The following ERBB4 variants were observed in gnomAD, a reference collection of about 807,000 sequenced individuals.
ERBB4 encodes the protein erb-b2 receptor tyrosine kinase 4, also known as receptor tyrosine-protein kinase erbB-4.
A neutral mutation model predicts 158.0 loss-of-function variants in ERBB4; 42 were observed. The ratio of observed to expected loss-of-function variants is 0.27; its 90% CI spans 0.21 to 0.34. ERBB4 has a LOEUF of 0.34. Among genes scored for constraint, ERBB4 ranks in the 10% least tolerant of loss-of-function variants. ERBB4 has a pLI of 1.00. For synonymous variants in ERBB4, 583 were observed against 558.7 expected (o/e 1.04, Z -0.61); for missense variants, 1,333 against 1,624.1 (o/e 0.82, Z 3.08).
chr2:211,673,896 G>A lies in ERBB4; in HGVS notation c.1623-639C>T, dbSNP rs115938720. 4.1e-3 allele frequency among the ~76,000 whole-genome samples: 617 copies of A among 152,096 alleles called. 4 individuals carry two copies. The highest frequency in any genetic ancestry group is 0.014 in the African/African-American group (584 of 41,504). ...TTTTGTAGTCTAAATTCTTTTTGAA[G>A]TAATTCTATAGGTATACAATAAAAG... On this transcript the variant is annotated intron_variant, in intron 13 of 27. Transcript: ENST00000342788.
chr2:212,510,513 T>A (rs570127446), intron 1 of ERBB4, among the ~76,000 whole-genome samples: 1 of 151,938 alleles, frequency 6.6e-6, no homozygotes, highest in African/African-American at 2.4e-5. Context: ...TCCAATGATA[T>A]GATTTTACTG....
chr2:212,193,281 A>C (rs2082328563), intron 1 of ERBB4, among the ~76,000 whole-genome samples: 1 of 152,114 alleles, frequency 6.6e-6, no homozygotes, highest in South Asian at 2.1e-4. Context: ...TTTCCATTTC[A>C]GCAGAAATTT....
chr2:211,923,922 A>T (rs1004385263), intron 3 of ERBB4, among the ~76,000 whole-genome samples: 1 of 152,162 alleles, frequency 6.6e-6, no homozygotes, highest in Admixed American at 6.5e-5. Flanking sequence ...GGGTTTCACC[A>T]TGTTGATCAG....
At chr2:212,129,068 A>G (rs1385619232) in intron 1 of ERBB4, among the ~76,000 whole-genome samples, 4 of 152,036 alleles carry the variant, frequency 2.6e-5, no homozygotes, top group African/African-American at 9.7e-5. Flanking sequence ...CTCAAATTCC[A>G]ATGAGGATGA....
chr2:212,041,162 A>C (rs2077131937), intron 2 of ERBB4, among the ~76,000 whole-genome samples: 1 of 152,172 alleles, frequency 6.6e-6, no homozygotes, highest in Non-Finnish European at 1.5e-5. Flanking sequence ...GTGGAAACTG[A>C]ATGTGTTCAT....
chr2:211,503,095 C>A (rs2065656664), intron 20 of ERBB4, among the ~76,000 whole-genome samples: 1 of 152,084 alleles, frequency 6.6e-6, no homozygotes, highest in Non-Finnish European at 1.5e-5. Context: ...AACTCTGGGA[C>A]ACCACATTCC....
chr2:211,862,784 A>G (rs927926687), intron 3 of ERBB4, among the ~76,000 whole-genome samples: 3 of 152,246 alleles, frequency 2.0e-5, no homozygotes, highest in Non-Finnish European at 4.4e-5. Context: ...AGATAATACC[A>G]TAAAAGGAAT....
chr2:211,423,566 AAAAAG>A (rs1232856932), intron 23 of ERBB4, among the ~76,000 whole-genome samples: 3 of 151,864 alleles, frequency 2.0e-5, no homozygotes, highest in Non-Finnish European at 4.4e-5. Flanking sequence ...CATAGGAAGA[AAAAAG>A]AAAAGTAAGA....
intron 1 of ERBB4, among the ~76,000 whole-genome samples, chr2:212,289,286 G>T (rs189324894): frequency 6.6e-6 from 1 of 151,928 alleles, no homozygotes; most frequent in Non-Finnish European, 1.5e-5. Flanking sequence ...CTGGTAACTG[G>T]TATTCTTTTT....
At chr2:211,722,901 G>A (rs1275546921) in intron 6 of ERBB4, among the ~76,000 whole-genome samples, 2 of 152,200 alleles carry the variant, frequency 1.3e-5, no homozygotes, top group Non-Finnish European at 2.9e-5. Context: ...CAGGCTAGAT[G>A]TCCACTTGAG....
At chr2:212,021,653 T>C (rs1381252081) in intron 2 of ERBB4, among the ~76,000 whole-genome samples, 4 of 152,078 alleles carry the variant, frequency 2.6e-5, no homozygotes, top group Non-Finnish European at 5.9e-5. Flanking sequence ...ATTCAGGACA[T>C]GGGCACAGGC....
chr2:212,013,025 A>C (rs2076426696), intron 2 of ERBB4, among the ~76,000 whole-genome samples: 1 of 150,290 alleles, frequency 6.7e-6, no homozygotes, highest in Non-Finnish European at 1.5e-5. Flanking sequence ...TACTACAGGC[A>C]TGAGACACCA....
At chr2:212,304,156 T>C (rs1484357160) in intron 1 of ERBB4, among the ~76,000 whole-genome samples, 1 of 151,480 alleles carries the variant, frequency 6.6e-6, no homozygotes, top group Non-Finnish European at 1.5e-5. Context: ...CTAAGGGATG[T>C]TTAGAAATTC....
At chr2:212,439,924 G>A (rs1170369650) in intron 1 of ERBB4, among the ~76,000 whole-genome samples, 1 of 152,108 alleles carries the variant, frequency 6.6e-6, no homozygotes, top group African/African-American at 2.4e-5. Flanking sequence ...AATCAGGGGT[G>A]GGGAGATGTA....
intron 3 of ERBB4, among the ~76,000 whole-genome samples, chr2:211,813,206 A>G (rs11693031): frequency 0.28 from 42,997 of 152,124 alleles, 6,650 homozygotes; most frequent in East Asian, 0.4. Context: ...GATTTTAACT[A>G]TGTGAATGTA....
chr2:212,001,647 A>G (rs1207427133), intron 2 of ERBB4, among the ~76,000 whole-genome samples: 1 of 152,208 alleles, frequency 6.6e-6, no homozygotes, highest in East Asian at 1.9e-4. Context: ...ACTTTTTAAG[A>G]AAAGTCTTTT....
chr2:211,609,287 A>G (rs759428942), intron 19 of ERBB4, among the ~76,000 whole-genome samples: 1 of 152,160 alleles, frequency 6.6e-6, no homozygotes, highest in African/African-American at 2.4e-5. Flanking sequence ...GTTTGACTGT[A>G]GGTCATTAGA....
intron 20 of ERBB4, among the ~76,000 whole-genome samples, chr2:211,506,262 A>G (rs2065747368): frequency 6.6e-6 from 1 of 152,104 alleles, no homozygotes; most frequent in Admixed American, 6.5e-5. Context: ...GATTCATAAA[A>G]CAAATGCTAC....
intron 2 of ERBB4, among the ~76,000 whole-genome samples, chr2:212,012,415 A>ATT (rs34430050): frequency 0.019 from 2,446 of 126,548 alleles, 38 homozygotes; most frequent in Non-Finnish European, 0.024. Context: ...TAAGAACTGC[A>ATT]TTTTTTTTTT....
Sources: allele counts gnomAD v4.1 joint callset (sites outside exome capture counted in the v4.1 genomes callset), GRCh38; gene constraint gnomAD v4.1.1; transcripts MANE v1.5; gene names NCBI Gene and HGNC (gene_info 2026-07-23, HGNC 2026-07-21).